The following MYLK variants were observed in gnomAD, a reference collection of about 807,000 sequenced individuals.
The protein encoded by MYLK is myosin light chain kinase, smooth muscle.
Under a neutral mutation model 203.4 loss-of-function variants are expected in MYLK, and 106 were observed. The observed-to-expected ratio is 0.52, with a 90% CI of 0.45 to 0.61. MYLK has a LOEUF of 0.61. Among genes scored for constraint, MYLK ranks in the 20% least tolerant of loss-of-function variants. The pLI is 0.00. For missense variants in MYLK, 2,072 were observed against 2,442.3 expected, an observed-to-expected ratio of 0.85 and a Z score of 3.20; for synonymous variants, 867 against 959.5, an observed-to-expected ratio of 0.90 and a Z score of 1.78.
chr3:123,870,331 C>T (rs1488948344), intron 2 of MYLK, among the ~76,000 whole-genome samples: 1 of 152,266 alleles, frequency 6.6e-6, no homozygotes, highest in Non-Finnish European at 1.5e-5. Flanking sequence ...CACCCAACCT[C>T]CGTTTCTTCT....
In MYLK at chr3:123,733,716, T is replaced by G; in HGVS notation, c.1280A>C (p.Glu427Ala). The change falls in exon 10 of 34, where the codon GAA (glutamate) becomes GCA (alanine). Residue 427 changes from glutamate (E) to alanine (A), a missense_variant. This residue lies in a region of MYLK where 683 missense variants were observed against 643.8 expected (regional missense o/e 1.06). Transcript: ENST00000360304. Reference sequence around the variant, plus strand: ...ACATCTGAACTTGACAGTTTGATTTTCCTTGACCTCCTGGCTTTGGGGCTT... The same window carrying G: ...ACATCTGAACTTGACAGTTTGATTTGCCTTGACCTCCTGGCTTTGGGGCTT... Reference protein sequence around the residue: ...ESKPQSQEVKENQTVKFRCEV... With the variant: ...ESKPQSQEVKANQTVKFRCEV... 6.2e-7 allele frequency: 1 copy of G among 1,614,204 alleles called. No individual in the cohort carries two copies. Among genetic ancestry groups the G allele is most frequent in the South Asian group, 1.1e-5 (1 of 91,086 alleles).
intron 4 of MYLK, among the ~76,000 whole-genome samples, chr3:123,782,384 A>G (rs562623117): frequency 1.1e-4 from 17 of 152,324 alleles, no homozygotes; most frequent in Non-Finnish European, 2.4e-4. Context: ...GAAGACAGCA[A>G]TCATGTTTTA....
chr3:123,756,395 AG>A (rs1363266233), intron 4 of MYLK, among the ~76,000 whole-genome samples: 4 of 152,160 alleles, frequency 2.6e-5, no homozygotes, highest in African/African-American at 9.7e-5. Context: ...TGTGTACCTA[AG>A]ACACCCCTAG....
At chr3:123,669,974 G>T (rs965708042) in intron 20 of MYLK, among the ~76,000 whole-genome samples, 2 of 142,930 alleles carry the variant, frequency 1.4e-5, no homozygotes, top group Non-Finnish European at 3.0e-5. Context: ...GGTAGAGGCT[G>T]CAATGAGCTG....
At chr3:123,861,230 A>G (rs1021963794) in intron 2 of MYLK, among the ~76,000 whole-genome samples, 9 of 152,166 alleles carry the variant, frequency 5.9e-5, no homozygotes, top group Non-Finnish European at 8.8e-5. Flanking sequence ...TTCCTGCTCT[A>G]TATTTGAAAA....
intron 3 of MYLK, among the ~76,000 whole-genome samples, chr3:123,803,934 G>A (rs1227345642): frequency 2.0e-5 from 3 of 152,208 alleles, no homozygotes; most frequent in Admixed American, 1.3e-4. Flanking sequence ...GGGGCTGGAA[G>A]AGCTAAGGGA....
At chr3:123,688,822 C>G (rs1363213073) in intron 19 of MYLK, among the ~76,000 whole-genome samples, 1 of 152,230 alleles carries the variant, frequency 6.6e-6, no homozygotes, top group South Asian at 2.1e-4. Context: ...AATGTTCCTT[C>G]CTCAGAGGGG....
At chr3:123,840,380 A>G (rs1560281478) in intron 2 of MYLK, among the ~76,000 whole-genome samples, 1 of 4,342 alleles carries the variant, frequency 2.3e-4, no homozygotes, top group Non-Finnish European at 3.8e-4. Context: ...TTATATATAT[A>G]TATATATATA....
chr3:123,722,370 C>T (rs1028167556), intron 12 of MYLK, 90 bp from the exon 13 acceptor site: 22 of 1,172,590 alleles, frequency 1.9e-5, no homozygotes, highest in Middle Eastern at 2.7e-4. Context: ...GCTGTCATGA[C>T]GCTGAGACTT....
chr3:123,874,659 T>C (rs961484703), intron 2 of MYLK, among the ~76,000 whole-genome samples: 1 of 152,180 alleles, frequency 6.6e-6, no homozygotes, highest in Non-Finnish European at 1.5e-5. Flanking sequence ...TAAAGACTTC[T>C]GTCATGCAGT....
chr3:123,714,384 T>C (rs1162701074), intron 13 of MYLK, among the ~76,000 whole-genome samples: 7 of 152,174 alleles, frequency 4.6e-5, no homozygotes, highest in Non-Finnish European at 2.9e-5. Flanking sequence ...AGCTACCCAT[T>C]ACCCTGGGAG....
chr3:123,702,402 C>A (rs1300726353), intron 16 of MYLK, among the ~76,000 whole-genome samples: 3 of 152,176 alleles, frequency 2.0e-5, no homozygotes, highest in Non-Finnish European at 4.4e-5. Context: ...TTCATGACAC[C>A]CACACGCAGT....
intron 23 of MYLK, among the ~76,000 whole-genome samples, chr3:123,663,232 A>G (rs1311558159): frequency 1.3e-5 from 2 of 152,132 alleles, no homozygotes; most frequent in Non-Finnish European, 2.9e-5. Flanking sequence ...GCACGAAGAC[A>G]GTGTTAAGGG....
At chr3:123,822,653 T>C (rs972829744) in intron 3 of MYLK, among the ~76,000 whole-genome samples, 5 of 152,016 alleles carry the variant, frequency 3.3e-5, no homozygotes, top group African/African-American at 9.7e-5. Flanking sequence ...GGGCTGACAG[T>C]TTCTGAAGTT....
chr3:123,684,466 T>C (rs780031898), intron 19 of MYLK, among the ~76,000 whole-genome samples: 13 of 152,194 alleles, frequency 8.5e-5, no homozygotes, highest in Non-Finnish European at 1.9e-4. Flanking sequence ...GCCTCTCCCT[T>C]CTTCCCTTCC....
chr3:123,864,570 T>A (rs985094284), intron 2 of MYLK, among the ~76,000 whole-genome samples: 1 of 152,180 alleles, frequency 6.6e-6, no homozygotes, highest in Non-Finnish European at 1.5e-5. Context: ...GTATTCACCA[T>A]ACATGTGTTT....
At chr3:123,687,996 T>C (rs2060523274) in intron 19 of MYLK, among the ~76,000 whole-genome samples, 1 of 152,190 alleles carries the variant, frequency 6.6e-6, no homozygotes, top group African/African-American at 2.4e-5. Flanking sequence ...TCCTTCCTTT[T>C]TGAAGTTCTT....
intron 2 of MYLK, among the ~76,000 whole-genome samples, chr3:123,864,227 T>C (rs1381926547): frequency 6.6e-6 from 1 of 152,230 alleles, no homozygotes; most frequent in Non-Finnish European, 1.5e-5. Flanking sequence ...AAAGGAATTC[T>C]GTAGGATGAT....
intron 3 of MYLK, among the ~76,000 whole-genome samples, chr3:123,823,773 C>T (rs1279154541): frequency 6.6e-6 from 1 of 152,170 alleles, no homozygotes; most frequent in African/African-American, 2.4e-5. Context: ...CCTGCATCAC[C>T]CAGCTCTGGC....
Sources: gnomAD v4.1 joint callset for allele counts (sites outside exome capture counted in the v4.1 genomes callset) on GRCh38, gnomAD v4.1.1 for gene constraint, gnomAD v4.1.1 regional missense constraint, MANE v1.5 for transcripts, NCBI Gene and HGNC (gene_info 2026-07-23, HGNC 2026-07-21) for gene names.